The following RRP12 variants were observed in gnomAD, a reference collection of about 807,000 sequenced individuals.
The protein encoded by RRP12 is RRP12-like protein.
Under a neutral mutation model 157.3 loss-of-function variants are expected in RRP12, and 78 were observed. The ratio of observed to expected loss-of-function variants is 0.50; its 90% CI spans 0.41 to 0.60. RRP12 has a LOEUF of 0.60. Among genes scored for constraint, RRP12 ranks in the 20% least tolerant of loss-of-function variants. The pLI is 0.00. For synonymous variants in RRP12, 726 were observed against 670.9 expected, an observed-to-expected ratio of 1.08 and a Z score of -1.27; for missense variants, 1,521 against 1,679.9, an observed-to-expected ratio of 0.91 and a Z score of 1.65.
Position 97,373,873 on chromosome 10 carries a change from C to A in RRP12, c.1820G>T (p.Gly607Val). ...KSKAMDLAQAGSTVESKIYDT... is the reference protein window; with the variant it reads ...KSKAMDLAQAVSTVESKIYDT... ...GTAGATCTTAGATTCCACTGTGCTG[C>A]CTGCCTGAGCCAGGTCCATGGCTGC... Residue 607 changes from glycine (G) to valine (V), a missense_variant, in exon 16 of 34, where the codon GGC becomes GTC. Physicochemically the swap from Gly to Val is moderately radical, Grantham distance 109. Transcript: ENST00000370992. 6.2e-7 allele frequency: 1 copy of A among 1,613,542 alleles called. No individual in the cohort carries two copies.
At position 97,360,595 on chromosome 10, in the gene RRP12, G is replaced by A. The variant is rs200931243; in HGVS notation, c.3591C>T (p.His1197=). ...GCTCCTCCTCCTCAGCCTCTTTCTG[G>A]TGCTTGAGCTTCTGGTGCTTTTTCT... ...IRNKKHQKLK[H]QKEAEEEELE... Residue 1197 remains histidine (H), a synonymous_variant, in exon 31 of 34, where the codon CAC becomes CAT. Transcript: ENST00000370992. The A allele has an allele frequency of 5.5e-5, 89 of 1,613,982 alleles. 2 individuals are homozygous for A. The Middle Eastern group carries it at 8.2e-4, about 15-fold the overall frequency.
At chr10:97,384,625 G>T (rs1422904654) in intron 10 of RRP12, among the ~76,000 whole-genome samples, 1 of 145,538 alleles carries the variant, frequency 6.9e-6, no homozygotes, top group East Asian at 2.1e-4. Flanking sequence ...AGACCCTGAG[G>T]ACCCCCAATC....
chr10:97,398,343 C>A (rs1327591682), intron 2 of RRP12, among the ~76,000 whole-genome samples: 1 of 70,718 alleles, frequency 1.4e-5, no homozygotes, highest in East Asian at 3.4e-4. Flanking sequence ...CGTGAGCCAC[C>A]GCGCCCGGCC....
rs188512305 is a variant in RRP12 at position 97,368,471 on chromosome 10, C to A, written c.2955+954G>T. 9.2e-3 allele frequency among the ~76,000 whole-genome samples: 1,398 copies of A among 152,132 alleles called. 27 individuals are homozygous for A. Among genetic ancestry groups the A allele is most frequent in the African/African-American group, 0.032 (1,324 of 41,478 alleles). ...CTCCCAGGTTCAAGTGATTCTCCTGCCTCAGCCTCCCGAGTAGCTGGGATT... is the reference window on the plus strand; with the variant it reads ...CTCCCAGGTTCAAGTGATTCTCCTGACTCAGCCTCCCGAGTAGCTGGGATT... On this transcript the variant is annotated intron_variant, in intron 25 of 33. Coordinates refer to ENST00000370992, the MANE Select transcript of RRP12 (RefSeq NM_015179.4).
At chr10:97,386,348 C>T (rs1481442591) in intron 8 of RRP12, among the ~76,000 whole-genome samples, 1 of 149,316 alleles carries the variant, frequency 6.7e-6, no homozygotes, top group Non-Finnish European at 1.5e-5. Context: ...TGCCACTGTG[C>T]CTGGCCAATT....
rs573953729 is a variant in RRP12, at chr10:97,398,416, C to T, written c.369+1889G>A. On this transcript the variant is annotated intron_variant, in intron 2 of 33. Transcript: ENST00000370992. ...TCACCCAGGCTGAAGCGCAGTGGTGCGATCTTGGGTCGCTGCAACCTCTGC... is the reference window on the plus strand; with the variant it reads ...TCACCCAGGCTGAAGCGCAGTGGTGTGATCTTGGGTCGCTGCAACCTCTGC... 3.5e-5 allele frequency among the ~76,000 whole-genome samples: 5 copies of T among 142,014 alleles called. No homozygotes were observed. The South Asian group carries it at 9.0e-4, about 26-fold the overall frequency. The allele number at this position is 142,014 out of a possible 152,430, so 93.2% of individuals were successfully genotyped here.
intron 8 of RRP12, 200 bp downstream of exon 8, chr10:97,388,052 A>G: frequency 1.7e-6 from 1 of 592,130 alleles, no homozygotes; most frequent in East Asian, 3.1e-5. Flanking sequence ...CTGATCTCTG[A>G]GGTCAGCTTC....
chr10:97,393,623 T>C (rs1844872328), intron 4 of RRP12, 61 bp downstream of exon 4: 1 of 1,251,278 alleles, frequency 8.0e-7, no homozygotes, highest in Non-Finnish European at 1.2e-6. Flanking sequence ...GTTTCTCCTG[T>C]CCACATTCCC....
intron 25 of RRP12, 139 bp from the exon 26 acceptor site, chr10:97,367,271 C>T (rs1444265114): frequency 4.4e-6 from 3 of 685,130 alleles, no homozygotes; most frequent in Non-Finnish European, 7.5e-6. Flanking sequence ...TGGCCCACAC[C>T]CTGGCCCAGT....
chr10:97,399,728 T>C (rs1845083866), intron 2 of RRP12, among the ~76,000 whole-genome samples: 1 of 139,644 alleles, frequency 7.2e-6, no homozygotes, highest in Non-Finnish European at 1.6e-5. Context: ...GCTACTTGAA[T>C]AATGCACTAT....
At chr10:97,374,497 G>T (rs1844249951) in intron 15 of RRP12, among the ~76,000 whole-genome samples, 1 of 151,736 alleles carries the variant, frequency 6.6e-6, no homozygotes, top group Non-Finnish European at 1.5e-5. Flanking sequence ...CAGGGGCTGG[G>T]TGCAGTGGCT....
chr10:97,371,726 A>C (rs1844159786), intron 20 of RRP12: 1 of 226,256 alleles, frequency 4.4e-6, no homozygotes, highest in South Asian at 9.7e-5. Flanking sequence ...GGCTTAAGGC[A>C]GCTGAAGGAG....
chr10:97,363,953 C>T, intron 29 of RRP12, 50 bp from the exon 30 acceptor site: 2 of 1,545,652 alleles, frequency 1.3e-6, no homozygotes, highest in Admixed American at 1.7e-5. Context: ...CTCCTCAAAA[C>T]CTACCCTTTC....
intron 31 of RRP12, among the ~76,000 whole-genome samples, chr10:97,360,002 G>T (rs1168793230): frequency 6.6e-6 from 1 of 152,230 alleles, no homozygotes; most frequent in Non-Finnish European, 1.5e-5. Context: ...GGGGGCAGGG[G>T]TCCTGCAAGG....
intron 24 of RRP12, 96 bp downstream of exon 24, chr10:97,370,071 C>A (rs955220840): frequency 4.8e-6 from 4 of 828,732 alleles, no homozygotes; most frequent in Admixed American, 5.3e-5. Flanking sequence ...TTCCTCCAGG[C>A]ACCTTTTCCC....
intron 30 of RRP12, among the ~76,000 whole-genome samples, chr10:97,363,578 C>T (rs1413333636): frequency 6.6e-6 from 1 of 152,206 alleles, no homozygotes; most frequent in Non-Finnish European, 1.5e-5. Context: ...CATGCAGGAG[C>T]ACACAGGGAA....
intron 3 of RRP12, among the ~76,000 whole-genome samples, chr10:97,394,497 C>T (rs1161341079): frequency 6.6e-6 from 1 of 152,056 alleles, no homozygotes; most frequent in African/African-American, 2.4e-5. Context: ...TCAAGAGATC[C>T]TCCCACATCA....
At chr10:97,385,319 AC>A (rs1844598491) in intron 9 of RRP12, 62 bp from the exon 10 acceptor site, 3 of 1,249,542 alleles carry the variant, frequency 2.4e-6, no homozygotes, top group Non-Finnish European at 3.5e-6. Context: ...AGTGATGATG[AC>A]CCCTTCCCAT....
Position 97,369,585 on chromosome 10 carries a change from G to A in RRP12, c.2798-3C>T, listed in dbSNP as rs758177561. On this transcript the variant is annotated splice_region_variant and splice_polypyrimidine_tract_variant and intron_variant, in intron 24 of 33. Transcript: ENST00000370992. ...CACTGTACTGGTCCCCATCAGACCT[G>A]TGGCAGTGAGGGGGTCACTGTCTAA... The A allele has an allele frequency of 5.8e-6, 9 of 1,556,226 alleles. No homozygotes were observed. Among genetic ancestry groups the A allele is most frequent in the Middle Eastern group, 1.7e-4 (1 of 6,016 alleles).
Sources: gnomAD v4.1 joint callset for allele counts (sites outside exome capture counted in the v4.1 genomes callset) on GRCh38, gnomAD v4.1.1 for gene constraint, MANE v1.5 for transcripts, NCBI Gene and HGNC (gene_info 2026-07-23, HGNC 2026-07-21) for gene names.